The following ANAPC10 variants were observed in gnomAD, a reference collection of about 807,000 sequenced individuals.
ANAPC10 encodes anaphase-promoting complex subunit 10.
A neutral mutation model predicts 22.0 loss-of-function variants in ANAPC10; 12 were observed. The ratio of observed to expected loss-of-function variants is 0.55; its 90% CI spans 0.35 to 0.88. ANAPC10 has a LOEUF of 0.88. Among genes scored for constraint, ANAPC10 ranks in the 40% least tolerant of loss-of-function variants. The probability of loss-of-function intolerance (pLI) is 0.01; values close to 1 mark genes in which losing one functional copy is unlikely to be tolerated. For missense variants in ANAPC10, 188 were observed against 220.9 expected, an observed-to-expected ratio of 0.85 and a Z score of 0.94; for synonymous variants, 65 against 69.5, an observed-to-expected ratio of 0.94 and a Z score of 0.32.
chr4:145,004,496 A>G (rs550575990), intron 4 of ANAPC10, among the ~76,000 whole-genome samples: 306 of 152,150 alleles, frequency 2.0e-3, no homozygotes, highest in African/African-American at 6.9e-3. Context: ...GATGTCTCCT[A>G]TTATTTTGAA....
At chr4:145,081,000 G>C (rs189661019) in intron 3 of ANAPC10, among the ~76,000 whole-genome samples, 15 of 151,790 alleles carry the variant, frequency 9.9e-5, no homozygotes, top group Non-Finnish European at 2.2e-4. Context: ...GCCAGGCCCA[G>C]TGGTTCATGC....
intron 2 of ANAPC10, among the ~76,000 whole-genome samples, chr4:145,086,201 G>A (rs1746872542): frequency 6.6e-6 from 1 of 152,066 alleles, no homozygotes. Context: ...GACCTCAAGT[G>A]ATCCACTGGC....
chr4:145,011,790 T>C (rs534047563), intron 4 of ANAPC10, among the ~76,000 whole-genome samples: 8 of 152,154 alleles, frequency 5.3e-5, no homozygotes, highest in East Asian at 1.9e-4. Flanking sequence ...CTAGGATAGG[T>C]TGCTGAAAGG....
At chr4:145,004,994 T>C (rs1466105870) in intron 4 of ANAPC10, among the ~76,000 whole-genome samples, 1 of 152,206 alleles carries the variant, frequency 6.6e-6, no homozygotes, top group Non-Finnish European at 1.5e-5. Flanking sequence ...GGTAGGCTTT[T>C]TATTACTGAT....
intron 4 of ANAPC10, among the ~76,000 whole-genome samples, chr4:145,017,200 G>C (rs1735304178): frequency 6.6e-6 from 1 of 151,634 alleles, no homozygotes; most frequent in African/African-American, 2.4e-5. Context: ...CAGAATTGGA[G>C]AAAATTTTTG....
Position 145,097,699 on chromosome 4 carries a change from G to A in ANAPC10, c.-13+421C>T, listed in dbSNP as rs1419302472. 4 of 413,540 alleles carry A rather than the reference G, an allele frequency of 9.7e-6. No homozygotes were observed. The Admixed American group carries it at 1.1e-4, about 11-fold the overall frequency. The allele number at this position is 413,540 out of a possible 1,614,324, so 25.6% of individuals were successfully genotyped here. ...TAGTTGTCACTTGCCTGCAAGTTAGGTGAGATCTAGGGCGAGACTATTCAA... is the reference window on the plus strand; with the variant it reads ...TAGTTGTCACTTGCCTGCAAGTTAGATGAGATCTAGGGCGAGACTATTCAA... On this transcript the variant is annotated intron_variant, in intron 1 of 4. Transcript: ENST00000507656.
chr4:145,084,301 A>C (rs1746542406), intron 2 of ANAPC10, among the ~76,000 whole-genome samples: 1 of 152,236 alleles, frequency 6.6e-6, no homozygotes, highest in Non-Finnish European at 1.5e-5. Flanking sequence ...AGTTAGCTAG[A>C]TAAAGAGGTA....
chr4:145,045,670 T>C (rs533548785), intron 4 of ANAPC10, among the ~76,000 whole-genome samples: 4 of 152,198 alleles, frequency 2.6e-5, no homozygotes, highest in Admixed American at 2.6e-4. Context: ...AATGTATACG[T>C]GATCTTCTAC....
intron 4 of ANAPC10, among the ~76,000 whole-genome samples, chr4:145,054,579 C>A (rs1284468430): frequency 1.4e-5 from 2 of 147,974 alleles, no homozygotes; most frequent in African/African-American, 5.0e-5. Flanking sequence ...AAAAACTTAC[C>A]ACAGGATGAG....
intron 4 of ANAPC10, among the ~76,000 whole-genome samples, chr4:145,021,565 A>C (rs922787193): frequency 1.3e-5 from 2 of 152,204 alleles, no homozygotes; most frequent in Non-Finnish European, 2.9e-5. Flanking sequence ...CTGAAACTAT[A>C]AAAATTCTAG....
At chr4:144,998,620 G>A (rs540555789) in intron 4 of ANAPC10, among the ~76,000 whole-genome samples, 117 of 152,310 alleles carry the variant, frequency 7.7e-4, no homozygotes, top group African/African-American at 2.6e-3. Context: ...GTAAAGCAGT[G>A]TGTCGAGGGA....
intron 3 of ANAPC10, among the ~76,000 whole-genome samples, chr4:145,070,006 C>A (rs1016329268): frequency 4.0e-5 from 6 of 151,694 alleles, no homozygotes; most frequent in Non-Finnish European, 5.9e-5. Flanking sequence ...TAGTGAATAA[C>A]TAAATAATTT....
intron 4 of ANAPC10, among the ~76,000 whole-genome samples, chr4:145,041,787 C>T (rs1449614621): frequency 6.6e-6 from 1 of 151,882 alleles, no homozygotes; most frequent in Non-Finnish European, 1.5e-5. Flanking sequence ...CCTAAATAAC[C>T]ACAAGAAACA....
chr4:145,045,090 A>T (rs1740100518), intron 4 of ANAPC10, among the ~76,000 whole-genome samples: 1 of 152,082 alleles, frequency 6.6e-6, no homozygotes, highest in African/African-American at 2.4e-5. Flanking sequence ...ACTCTCCAAA[A>T]GCTAATGTAA....
intron 4 of ANAPC10, among the ~76,000 whole-genome samples, chr4:145,045,626 T>C (rs1023721066): frequency 1.3e-5 from 2 of 152,128 alleles, no homozygotes; most frequent in Non-Finnish European, 2.9e-5. Flanking sequence ...TTTTTTCATA[T>C]CACTTCTAAC....
chr4:145,022,798 A>C (rs1335588011), intron 4 of ANAPC10, among the ~76,000 whole-genome samples: 3 of 133,616 alleles, frequency 2.2e-5, no homozygotes, highest in Non-Finnish European at 4.7e-5. Context: ...CTGCCAAACC[A>C]AAAAAAAAAA....
At chr4:145,087,088 A>G (rs1254399259) in intron 2 of ANAPC10, among the ~76,000 whole-genome samples, 1 of 151,984 alleles carries the variant, frequency 6.6e-6, no homozygotes, top group Non-Finnish European at 1.5e-5. Context: ...CTCCACTAAG[A>G]GAATATGCCT....
intron 3 of ANAPC10, among the ~76,000 whole-genome samples, chr4:145,078,818 A>G (rs1745553722): frequency 6.6e-6 from 1 of 152,232 alleles, no homozygotes; most frequent in Non-Finnish European, 1.5e-5. Context: ...ATAACTGGCT[A>G]GCCATACGCA....
intron 4 of ANAPC10, chr4:145,053,787 A>G: frequency 1.5e-6 from 1 of 654,556 alleles, no homozygotes. Flanking sequence ...GAGGCTGAAA[A>G]AAAAAAAAGG....
Sources: gnomAD v4.1 joint callset for allele counts (sites outside exome capture counted in the v4.1 genomes callset) on GRCh38, gnomAD v4.1.1 for gene constraint, MANE v1.5 for transcripts, NCBI Gene and HGNC (gene_info 2026-07-23, HGNC 2026-07-21) for gene names.